Variants in CAMK2D observed in about 807,000 individuals in gnomAD.
CAMK2D encodes the protein calcium/calmodulin-dependent protein kinase type II subunit delta.
Under a neutral mutation model 84.0 loss-of-function variants are expected in CAMK2D, and 37 were observed. The ratio of observed to expected loss-of-function variants is 0.44; its 90% CI spans 0.34 to 0.58. The LOEUF is 0.58. Ranked by LOEUF, CAMK2D falls within the 20% of genes least tolerant of loss-of-function variation. CAMK2D has a pLI of 0.02. For missense variants in CAMK2D, 448 were observed against 652.5 expected (o/e 0.69, Z 3.41); for synonymous variants, 202 against 212.5 (o/e 0.95, Z 0.43).
At chr4:113,520,809 C>T (rs1301001591) in intron 8 of CAMK2D, among the ~76,000 whole-genome samples, 1 of 152,158 alleles carries the variant, frequency 6.6e-6, no homozygotes, top group African/African-American at 2.4e-5. Flanking sequence ...AGGAGGATCA[C>T]TTGAGCCCAG....
intron 16 of CAMK2D, among the ~76,000 whole-genome samples, chr4:113,480,023 G>A (rs1019731080): frequency 3.3e-5 from 5 of 151,808 alleles, no homozygotes; most frequent in Non-Finnish European, 7.4e-5. Context: ...GTGCAGTGGC[G>A]GGATCTTGGC....
At chr4:113,505,361 C>G (rs2154154549) in intron 13 of CAMK2D, among the ~76,000 whole-genome samples, 1 of 152,314 alleles carries the variant, frequency 6.6e-6, no homozygotes, top group South Asian at 2.1e-4. Flanking sequence ...TCATACTGTT[C>G]AAGTTGGATT....
At position 113,452,173 on chromosome 4, in the gene CAMK2D, G is replaced by A. The variant is rs2097262169; in HGVS notation, c.*2372C>T. On this transcript the variant is annotated 3_prime_UTR_variant, in exon 21 of 21. Transcript: ENST00000511664. ...AAAGCAGCCATGTGAAGGCTGGATT[G>A]GAGGGTACAGTTTAGAGAAGCTTTT... 1 of 149,000 alleles carries A rather than the reference G, an allele frequency of 6.7e-6. No individual in the cohort carries two copies. Among genetic ancestry groups the A allele is most frequent in the African/African-American group, 2.5e-5 (1 of 39,504 alleles). The allele number at this position is 149,000 out of a possible 1,614,324, so 9.2% of individuals were successfully genotyped here. A position where few individuals can be genotyped will look rare whatever the true frequency, so the allele number is the denominator to read the frequency against.
chr4:113,505,339 A>G (rs1295635316), intron 13 of CAMK2D, among the ~76,000 whole-genome samples: 1 of 152,206 alleles, frequency 6.6e-6, no homozygotes, highest in Non-Finnish European at 1.5e-5. Context: ...TATGAAATTA[A>G]TATAACCATT....
At chr4:113,520,410 C>T (rs893682065) in intron 8 of CAMK2D, among the ~76,000 whole-genome samples, 2 of 151,642 alleles carry the variant, frequency 1.3e-5, no homozygotes, top group Admixed American at 1.3e-4. Context: ...TGTGACTCTG[C>T]CTCAAAAATA....
chr4:113,573,835 C>T (rs1014548878), intron 4 of CAMK2D, among the ~76,000 whole-genome samples: 1 of 152,150 alleles, frequency 6.6e-6, no homozygotes, highest in Non-Finnish European at 1.5e-5. Flanking sequence ...CTTCAGTTCT[C>T]CCTGACTCCC....
chr4:113,585,842 T>C (rs188992765), intron 4 of CAMK2D, among the ~76,000 whole-genome samples: 1 of 152,300 alleles, frequency 6.6e-6, no homozygotes, highest in Admixed American at 6.5e-5. Context: ...AACTTAAGTA[T>C]TGCATCCAGT....
At chr4:113,466,930 A>C (rs756073483) in intron 16 of CAMK2D, among the ~76,000 whole-genome samples, 34 of 152,192 alleles carry the variant, frequency 2.2e-4, no homozygotes, top group Non-Finnish European at 4.3e-4. Context: ...TGTTAACTTA[A>C]AAGCTTCCCG....
At chr4:113,750,062 GATAAAC>G (rs1298987706) in intron 2 of CAMK2D, among the ~76,000 whole-genome samples, 2 of 152,204 alleles carry the variant, frequency 1.3e-5, no homozygotes, top group African/African-American at 2.4e-5. Context: ...CAGACTGAAA[GATAAAC>G]TAAGAAATGT....
At chr4:113,479,203 T>C (rs1023963665) in intron 16 of CAMK2D, among the ~76,000 whole-genome samples, 4 of 152,252 alleles carry the variant, frequency 2.6e-5, no homozygotes, top group African/African-American at 9.6e-5. Context: ...TGAGATATTT[T>C]GCTTGAGAAG....
At chr4:113,511,201 G>A (rs1474939075) in intron 12 of CAMK2D, among the ~76,000 whole-genome samples, 1 of 152,122 alleles carries the variant, frequency 6.6e-6, no homozygotes, top group Non-Finnish European at 1.5e-5. Flanking sequence ...TAAAGAGCAT[G>A]TTTGGCAATG....
chr4:113,640,464 G>T (rs749306389), intron 3 of CAMK2D, among the ~76,000 whole-genome samples: 3 of 152,126 alleles, frequency 2.0e-5, no homozygotes, highest in African/African-American at 7.2e-5. Flanking sequence ...GTTTCCTTAC[G>T]TACAAGACAG....
chr4:113,753,933 T>G, intron 2 of CAMK2D: 1 of 983,510 alleles, frequency 1.0e-6, no homozygotes, highest in Non-Finnish European at 1.2e-6. Flanking sequence ...AGTACTTTAT[T>G]CATGCTTGAA....
At chr4:113,530,753 C>A (rs1560753291) in intron 8 of CAMK2D, among the ~76,000 whole-genome samples, 1 of 152,114 alleles carries the variant, frequency 6.6e-6, no homozygotes, top group African/African-American at 2.4e-5. Context: ...CTCCTGGCAC[C>A]TTGATTTTGA....
At chr4:113,575,519 T>C (rs1052084825) in intron 4 of CAMK2D, among the ~76,000 whole-genome samples, 4 of 152,234 alleles carry the variant, frequency 2.6e-5, no homozygotes, top group African/African-American at 9.6e-5. Context: ...TTCTGTGTTA[T>C]GCAGTTTTTG....
At chr4:113,657,677 T>C (rs1280448155) in intron 3 of CAMK2D, among the ~76,000 whole-genome samples, 2 of 152,118 alleles carry the variant, frequency 1.3e-5, no homozygotes, top group Non-Finnish European at 2.9e-5. Flanking sequence ...TGAAAAAAAG[T>C]AGTTTAATGA....
intron 2 of CAMK2D, among the ~76,000 whole-genome samples, chr4:113,698,142 A>G (rs1401351769): frequency 6.6e-6 from 1 of 152,096 alleles, no homozygotes; most frequent in Non-Finnish European, 1.5e-5. Context: ...ATTTTATAAT[A>G]AAGTACTGAA....
chr4:113,671,160 A>G (rs1229241104), intron 2 of CAMK2D, among the ~76,000 whole-genome samples: 1 of 152,240 alleles, frequency 6.6e-6, no homozygotes, highest in African/African-American at 2.4e-5. Context: ...AAATATTTAT[A>G]TGGTTTTCCA....
chr4:113,475,283 G>A (rs973042968), intron 16 of CAMK2D, among the ~76,000 whole-genome samples: 3 of 152,166 alleles, frequency 2.0e-5, no homozygotes, highest in African/African-American at 7.2e-5. Flanking sequence ...GAGCTGAAGA[G>A]CATGTCCTCT....
Sources: gnomAD v4.1 joint callset for allele counts (sites outside exome capture counted in the v4.1 genomes callset) on GRCh38, gnomAD v4.1.1 for gene constraint, MANE v1.5 for transcripts, NCBI Gene and HGNC (gene_info 2026-07-23, HGNC 2026-07-21) for gene names.